Variants in GRID1 observed in about 807,000 individuals in gnomAD.
The protein encoded by GRID1 is glutamate receptor ionotropic, delta-1.
A neutral mutation model predicts 98.0 loss-of-function variants in GRID1; 28 were observed. The ratio of observed to expected loss-of-function variants is 0.29; its 90% confidence interval spans 0.21 to 0.39. GRID1 has a LOEUF of 0.39. Among genes scored for constraint, GRID1 ranks in the 10% least tolerant of loss-of-function variants. GRID1 has a pLI of 1.00. For synonymous variants in GRID1, 553 were observed against 538.5 expected, an observed-to-expected ratio of 1.03 and a Z score of -0.37; for missense variants, 1,111 against 1,340.5, an observed-to-expected ratio of 0.83 and a Z score of 2.67.
chr10:86,254,575 G>A lies in GRID1; in HGVS notation c.236-47927C>T, dbSNP rs548758433. On this transcript the variant is annotated intron_variant, in intron 2 of 15. Transcript: ENST00000327946. ...AGCTTTCAAAACCCTTGATACTCAC[G>A]TTGCAGCCCCATAGTGCGGGAGCCT... Among the ~76,000 whole-genome samples the A allele has an allele frequency of 2.7e-5, 4 of 148,594 alleles. No homozygotes were observed. In the South Asian group the frequency reaches 6.4e-4, roughly 24 times the overall value.
chr10:85,945,116 G>T (rs1842039803), intron 4 of GRID1, among the ~76,000 whole-genome samples: 1 of 152,114 alleles, frequency 6.6e-6, no homozygotes, highest in African/African-American at 2.4e-5. Context: ...CAAAACCTTT[G>T]AAGCAGGTGC....
chr10:85,972,327 G>A (rs961532250), intron 4 of GRID1, among the ~76,000 whole-genome samples: 3 of 151,146 alleles, frequency 2.0e-5, no homozygotes, highest in African/African-American at 7.3e-5. Context: ...ACTGAAAAAT[G>A]AAACAACCCT....
chr10:86,365,962 C>G lies in GRID1; in HGVS notation c.79+352G>C, dbSNP rs1398576666. On this transcript the variant is annotated intron_variant, in intron 1 of 15. Transcript: ENST00000327946. The surrounding 1 kb of genome is among the most constrained non-coding windows in gnomAD (Gnocchi z 4.8). Reference sequence around the variant, plus strand: ...CCCCCCGCTGTACCTCCCCCTGCCCCCCGCTGCTCTGAGCTGCGCAGAAGG... The same window carrying G: ...CCCCCCGCTGTACCTCCCCCTGCCCGCCGCTGCTCTGAGCTGCGCAGAAGG... Among the ~76,000 whole-genome samples, 4 of 152,206 alleles carry G rather than the reference C, an allele frequency of 2.6e-5. No individual in the cohort carries two copies. Among genetic ancestry groups the G allele is most frequent in the African/African-American group, 9.6e-5 (4 of 41,472 alleles).
At chr10:86,133,762 C>A (rs1264343877) in intron 4 of GRID1, among the ~76,000 whole-genome samples, 1 of 152,232 alleles carries the variant, frequency 6.6e-6, no homozygotes, top group East Asian at 1.9e-4. Flanking sequence ...ATCACACAGT[C>A]CCTGGCCTAC....
intron 2 of GRID1, among the ~76,000 whole-genome samples, chr10:86,348,368 G>A (rs914503128): frequency 4.6e-5 from 7 of 152,238 alleles, no homozygotes; most frequent in Admixed American, 2.0e-4. Flanking sequence ...GAAGCAGAGC[G>A]GCCAGGAAAG....
intron 4 of GRID1, among the ~76,000 whole-genome samples, chr10:85,944,231 T>A (rs928843334): frequency 6.6e-6 from 1 of 152,206 alleles, no homozygotes; most frequent in Non-Finnish European, 1.5e-5. Context: ...TGAGCTAAAA[T>A]AAATGGTTGT....
intron 4 of GRID1, among the ~76,000 whole-genome samples, chr10:85,967,172 G>A (rs1285105681): frequency 6.6e-6 from 1 of 152,222 alleles, no homozygotes; most frequent in African/African-American, 2.4e-5. Context: ...GTGGAACTGT[G>A]AGTCAATTAA....
At position 86,115,796 on chromosome 10, in the gene GRID1, G is replaced by A. The variant is rs549316565; in HGVS notation, c.726+23023C>T. On this transcript the variant is annotated intron_variant, in intron 4 of 15. Coordinates refer to ENST00000327946, the MANE Select transcript of GRID1 (RefSeq NM_017551.3). ...GAGCCTGCTGGTCTATTACCTGGGA[G>A]GCCAAAACATGTGTACGATCAGGCA... Among the ~76,000 whole-genome samples, 6 of 152,324 alleles carry A rather than the reference G, an allele frequency of 3.9e-5. No individual in the cohort carries two copies. The East Asian group carries it at 9.6e-4, about 24-fold the overall frequency.
chr10:85,838,580 C>G (rs529479803), intron 8 of GRID1, among the ~76,000 whole-genome samples: 1 of 151,600 alleles, frequency 6.6e-6, no homozygotes, highest in Non-Finnish European at 1.5e-5. Context: ...AGCAAAGGAG[C>G]ATTTTCAGAT....
In GRID1 at chr10:86,296,963, C is replaced by T. The variant is rs560692998; in HGVS notation, c.235+66978G>A. Among the ~76,000 whole-genome samples the T allele has an allele frequency of 4.6e-5, 7 of 152,198 alleles. No homozygotes were observed. In the South Asian group the frequency reaches 1.5e-3, roughly 32 times the overall value. On this transcript the variant is annotated intron_variant, in intron 2 of 15. Coordinates refer to ENST00000327946, the MANE Select transcript of GRID1 (RefSeq NM_017551.3). The stretch of plus-strand genomic sequence containing the variant: ...AACTTCACTAGAGATGTGCATGACC[C>T]GTGTAAAGAAAACTACCAAACTTTA...
chr10:85,793,865 C>T (rs12259588), intron 8 of GRID1, among the ~76,000 whole-genome samples: 4,396 of 152,126 alleles, frequency 0.029, 196 homozygotes, highest in African/African-American at 0.099. Context: ...AGTCCTGGGT[C>T]CTACCAGGAA....
At chr10:85,850,002 G>T (rs2131777431) in intron 8 of GRID1, among the ~76,000 whole-genome samples, 1 of 152,284 alleles carries the variant, frequency 6.6e-6, no homozygotes, top group South Asian at 2.1e-4. Flanking sequence ...CATCCAGGAT[G>T]CAAGGCATAA....
At position 86,341,439 on chromosome 10, in the gene GRID1, C is replaced by G. The variant is rs367986663; in HGVS notation, c.235+22502G>C. On this transcript the variant is annotated intron_variant, in intron 2 of 15. Transcript: ENST00000327946. ...CCTCACACGTTTCCAGAAGGGCCCGCTTAGGGAAATGCTTAACCAAGGACC... is the reference window on the plus strand; with the variant it reads ...CCTCACACGTTTCCAGAAGGGCCCGGTTAGGGAAATGCTTAACCAAGGACC... Among the ~76,000 whole-genome samples, 24 of 152,230 alleles carry G rather than the reference C, an allele frequency of 1.6e-4. 6 individuals carry two copies. The highest frequency in any genetic ancestry group is 2.0e-4 in the Admixed American group (3 of 15,296).
intron 8 of GRID1, among the ~76,000 whole-genome samples, chr10:85,820,709 A>G (rs910954333): frequency 1.3e-5 from 2 of 152,202 alleles, no homozygotes; most frequent in Admixed American, 6.5e-5. Flanking sequence ...ACAAGATACC[A>G]CTATTATACC....
chr10:86,067,358 G>A (rs775745481), intron 4 of GRID1, among the ~76,000 whole-genome samples: 8 of 152,154 alleles, frequency 5.3e-5, no homozygotes, highest in African/African-American at 9.7e-5. Context: ...TTTGAGTCAC[G>A]AGGCAGGTCA....
chr10:85,666,035 T>C (rs1841015956), intron 12 of GRID1, among the ~76,000 whole-genome samples: 1 of 152,084 alleles, frequency 6.6e-6, no homozygotes, highest in Admixed American at 6.5e-5. Flanking sequence ...AGAAAGAAAC[T>C]AGACAAAGAG....
intron 6 of GRID1, among the ~76,000 whole-genome samples, chr10:85,865,396 A>G (rs916017062): frequency 7.2e-5 from 11 of 152,212 alleles, no homozygotes; most frequent in African/African-American, 2.4e-4. Flanking sequence ...AGGATGACAG[A>G]GTTTCTGAGG....
chr10:85,919,454 T>G (rs1246566003), intron 4 of GRID1, among the ~76,000 whole-genome samples: 1 of 151,916 alleles, frequency 6.6e-6, no homozygotes, highest in African/African-American at 2.4e-5. Context: ...CTGAGATAGA[T>G]GGAGAGAAGG....
intron 8 of GRID1, among the ~76,000 whole-genome samples, chr10:85,756,528 C>G (rs1324189398): frequency 1.3e-5 from 2 of 152,166 alleles, no homozygotes; most frequent in Non-Finnish European, 2.9e-5. Context: ...AAGTGACCGA[C>G]TGGTAGGCAT....
Sources: gnomAD v4.1 joint callset for allele counts (sites outside exome capture counted in the v4.1 genomes callset) on GRCh38, gnomAD v4.1.1 for gene constraint, Gnocchi (gnomAD v3.1) non-coding constraint, MANE v1.5 for transcripts, NCBI Gene and HGNC (gene_info 2026-07-23, HGNC 2026-07-21) for gene names.